The following CDK18 variants were observed in gnomAD, a reference collection of about 807,000 sequenced individuals.
CDK18 encodes the protein cyclin-dependent kinase 18.
A neutral mutation model predicts 62.0 loss-of-function variants in CDK18; 52 were observed. That is an observed-to-expected ratio of 0.84 (90% CI 0.67 to 1.06). The LOEUF is 1.06. CDK18 is among the 50% of genes least tolerant of loss of function. CDK18 has a pLI of 0.00. For synonymous variants in CDK18, 237 were observed against 247.0 expected (o/e 0.96, Z 0.38); for missense variants, 604 against 619.9 (o/e 0.97, Z 0.27).
intron 1 of CDK18, among the ~76,000 whole-genome samples, chr1:205,505,497 G>T (rs936841559): frequency 2.6e-5 from 4 of 152,162 alleles, no homozygotes; most frequent in Non-Finnish European, 5.9e-5. Context: ...GCGACAGAGG[G>T]TTAATGCAGC....
intron 5 of CDK18, 105 bp downstream of exon 5, chr1:205,525,300 C>T (rs1194377652): frequency 7.1e-6 from 5 of 699,798 alleles, no homozygotes; most frequent in Non-Finnish European, 9.8e-6. Flanking sequence ...TCTGGTTGGC[C>T]CTCTCCTGGC....
chr1:205,528,758 G>A lies in CDK18; in HGVS notation c.975-241G>A. ...GACCCAAACCTCACAGAGTGAAAGGGGACTTTCCTCACAGAGTGAAAGTCG... is the reference window on the plus strand; with the variant it reads ...GACCCAAACCTCACAGAGTGAAAGGAGACTTTCCTCACAGAGTGAAAGTCG... On this transcript the variant is annotated intron_variant, in intron 10 of 15. Coordinates refer to ENST00000429964, the MANE Select transcript of CDK18 (RefSeq NM_212502.3). The surrounding 1 kb of genome is among the most constrained non-coding windows in gnomAD (Gnocchi z 4.2). 1 of 462,274 alleles carries A rather than the reference G, an allele frequency of 2.2e-6. No homozygotes were observed. 28.6% of individuals were successfully genotyped at this position (462,274 alleles called of 1,614,324 possible).
chr1:205,522,822 C>T (rs929825539), intron 1 of CDK18: 3 of 189,946 alleles, frequency 1.6e-5, no homozygotes, highest in African/African-American at 4.7e-5. Flanking sequence ...CTTCAGGATC[C>T]TCTTTGCACA....
rs1162180533 is a variant in CDK18 at position 205,532,194 on chromosome 1, C to G, written c.*816C>G. On this transcript the variant is annotated 3_prime_UTR_variant, in exon 16 of 16. Transcript: ENST00000429964. ...GGCAGGTGGTACCGTACTCACTGCC[C>G]TTGGAGCTGTGACCGGCTCCTGCCT... 1 of 152,732 alleles carries G rather than the reference C, an allele frequency of 6.5e-6. No homozygotes were observed. Among genetic ancestry groups the G allele is most frequent in the Non-Finnish European group, 1.5e-5 (1 of 68,144 alleles). 9.5% of individuals were successfully genotyped at this position (152,732 alleles called of 1,614,324 possible). A position where few individuals can be genotyped will look rare whatever the true frequency, so the allele number is the denominator to read the frequency against.
At position 205,527,723 on chromosome 1, in the gene CDK18, T is replaced by A; in HGVS notation, c.730-71T>A. 1 of 1,506,288 alleles carries A rather than the reference T, an allele frequency of 6.6e-7. No individual in the cohort carries two copies. Among genetic ancestry groups the A allele is most frequent in the Non-Finnish European group, 9.2e-7 (1 of 1,091,244 alleles). 93.3% of individuals were successfully genotyped at this position (1,506,288 alleles called of 1,614,324 possible). On this transcript the variant is annotated intron_variant, in intron 8 of 15. Transcript: ENST00000429964. The surrounding 1 kb of genome is among the most constrained non-coding windows in gnomAD (Gnocchi z 4.1). Reference sequence around the variant, plus strand: ...CCTCACTGCCAAGCCCCTGCCCCCATCCTGGTCCCAGCCTTGGAGCAGAGG... The same window carrying A: ...CCTCACTGCCAAGCCCCTGCCCCCAACCTGGTCCCAGCCTTGGAGCAGAGG...
At chr1:205,530,770 C>A in intron 15 of CDK18, 65 bp downstream of exon 15, 1 of 1,317,214 alleles carries the variant, frequency 7.6e-7, no homozygotes, top group Non-Finnish European at 1.1e-6. Flanking sequence ...GCGACCCCTC[C>A]CCAGTGGGGA....
Position 205,528,227 on chromosome 1 carries a change from T to C in CDK18, c.974+59T>C. ...GACAGGCCTGGCCACACCTCCAGAC[T>C]CTCCTTTGCTTCCCCAAGGGCCTCG... is the stretch of plus-strand genomic sequence containing the variant. On this transcript the variant is annotated intron_variant, in intron 10 of 15. Transcript: ENST00000429964. This position sits in a 1 kb window ranked among gnomAD's most constrained non-coding sequence, Gnocchi z 4.2. The C allele has an allele frequency of 1.3e-6, 2 of 1,578,152 alleles. No individual in the cohort carries two copies. The highest frequency in any genetic ancestry group is 1.7e-6 in the Non-Finnish European group (2 of 1,156,750).
At chr1:205,513,747 AGCCC>A (rs1558769326) in intron 1 of CDK18, among the ~76,000 whole-genome samples, 1 of 152,222 alleles carries the variant, frequency 6.6e-6, no homozygotes, top group Non-Finnish European at 1.5e-5. Context: ...CCTTCCCCAC[AGCCC>A]TGGAGGCCCT....
intron 13 of CDK18, 146 bp downstream of exon 13, chr1:205,529,709 C>A: frequency 6.5e-7 from 1 of 1,543,722 alleles, no homozygotes; most frequent in Non-Finnish European, 8.7e-7. Context: ...CCCCCAAGGC[C>A]AAGGGGTGGC....
Position 205,526,371 on chromosome 1 carries a change from T to C in CDK18, c.576T>C (p.Ser192=), listed in dbSNP as rs1668428466. 1 of 1,613,570 alleles carries C rather than the reference T, an allele frequency of 6.2e-7. No homozygotes were observed. Among genetic ancestry groups the C allele is most frequent in the African/African-American group, 1.3e-5 (1 of 74,920 alleles). The change falls in exon 7 of 16, where the codon TCT becomes TCC. Residue 192 remains serine (S), a synonymous_variant. Coordinates refer to ENST00000429964, the MANE Select transcript of CDK18 (RefSeq NM_212502.3). ...GGTGGATCTGTCTCCTCACAGTGTC[T>C]CTGCTGAAGAACCTGAAGCACGCCA... ...GAPCTAIREV[S]LLKNLKHANI...
intron 1 of CDK18, among the ~76,000 whole-genome samples, chr1:205,505,831 T>C (rs1667279181): frequency 6.6e-6 from 1 of 152,104 alleles, no homozygotes; most frequent in Non-Finnish European, 1.5e-5. Flanking sequence ...GGTGGGAGGA[T>C]TGACACTGTG....
chr1:205,524,098 G>T, intron 3 of CDK18, 134 bp from the exon 4 acceptor site: 1 of 1,043,178 alleles, frequency 9.6e-7, no homozygotes, highest in East Asian at 2.4e-5. Context: ...TGAGCCTGGG[G>T]TCACAGCCTG....
At chr1:205,510,892 C>T (rs926667331) in intron 1 of CDK18, among the ~76,000 whole-genome samples, 5 of 152,268 alleles carry the variant, frequency 3.3e-5, no homozygotes, top group Non-Finnish European at 7.3e-5. Context: ...AAGAGGGGCT[C>T]AGCCTCCTGT....
intron 3 of CDK18, 119 bp downstream of exon 3, chr1:205,523,744 A>G: frequency 7.6e-7 from 1 of 1,307,664 alleles, no homozygotes; most frequent in Non-Finnish European, 1.0e-6. Context: ...TCTGCCATTC[A>G]TTAGCTCTGT....
At chr1:205,525,096 T>C (rs749025147) in intron 4 of CDK18, 43 bp from the exon 5 acceptor site, 9 of 1,467,722 alleles carry the variant, frequency 6.1e-6, no homozygotes, top group Non-Finnish European at 8.5e-6. Context: ...GTGGAGCTGC[T>C]AAGGGCTTCA....
chr1:205,514,121 G>A (rs1434798134), intron 1 of CDK18, among the ~76,000 whole-genome samples: 1 of 152,266 alleles, frequency 6.6e-6, no homozygotes, highest in Non-Finnish European at 1.5e-5. Context: ...CTAGGGAAAT[G>A]ACAAGTAAAC....
intron 1 of CDK18, among the ~76,000 whole-genome samples, chr1:205,521,691 G>T (rs1323523749): frequency 1.3e-5 from 2 of 152,272 alleles, no homozygotes; most frequent in Non-Finnish European, 2.9e-5. Flanking sequence ...CCACCACTGA[G>T]CTGTGTTTGG....
Position 205,523,644 on chromosome 1 carries a change from C to T in CDK18, c.273+19C>T, listed in dbSNP as rs567773767. 4 of 1,558,708 alleles carry T rather than the reference C, an allele frequency of 2.6e-6. No individual in the cohort carries two copies. The East Asian group carries it at 9.6e-5, about 37-fold the overall frequency. ...CATGGAGGTAAGGGCCTCTGGAGCT[C>T]TGCCCCGGCAGGTGGCAGGATGCAC... is the stretch of plus-strand genomic sequence containing the variant. On this transcript the variant is annotated intron_variant, in intron 3 of 15. Transcript: ENST00000429964.
chr1:205,523,773 C>A, intron 3 of CDK18, 148 bp downstream of exon 3: 1 of 1,016,632 alleles, frequency 9.8e-7, no homozygotes, highest in Admixed American at 3.0e-5. Context: ...GCAAGTTACT[C>A]AACCTCTGTG....
Sources: gnomAD v4.1 joint callset for allele counts (sites outside exome capture counted in the v4.1 genomes callset) on GRCh38, gnomAD v4.1.1 for gene constraint, Gnocchi (gnomAD v3.1) non-coding constraint, MANE v1.5 for transcripts, NCBI Gene and HGNC (gene_info 2026-07-23, HGNC 2026-07-21) for gene names.